The following GRK1 variants were observed in gnomAD, a reference collection of about 807,000 sequenced individuals.
GRK1 encodes the protein rhodopsin kinase GRK1.
GRK1 carries 28 observed loss-of-function variants against 41.7 expected under a neutral mutation model. That is an observed-to-expected ratio of 0.67 (90% CI 0.50 to 0.92). The LOEUF is 0.92. GRK1 is among the 40% of genes least tolerant of loss of function. GRK1 has a pLI of 0.00. For missense variants in GRK1, 703 were observed against 671.2 expected, an observed-to-expected ratio of 1.05 and a Z score of -0.52; for synonymous variants, 327 against 286.7, an observed-to-expected ratio of 1.14 and a Z score of -1.42.
chr13:113,653,345 G>C, the GRK1 span: 2 of 1,613,998 alleles, frequency 1.2e-6, no homozygotes, highest in Non-Finnish European at 1.7e-6. Flanking sequence ...TGGAGAGTCT[G>C]TGTGAGGTCT....
At chr13:113,651,057 C>T in the GRK1 span, among the ~76,000 whole-genome samples, 4 of 152,078 alleles carry the variant, frequency 2.6e-5, no homozygotes, top group East Asian at 1.9e-4. Context: ...CGGCCCCCAC[C>T]GAGAGTGGAG....
At chr13:113,733,977 CGCATGTGT>C (rs1453284393) in intron 6 of GRK1, among the ~76,000 whole-genome samples, 2 of 107,094 alleles carry the variant, frequency 1.9e-5, no homozygotes, top group African/African-American at 8.2e-5. Flanking sequence ...TGCGTGTGTG[CGCATGTGT>C]GTGCATACAT....
chr13:113,660,107 C>T, the GRK1 span, among the ~76,000 whole-genome samples: 1 of 152,174 alleles, frequency 6.6e-6, no homozygotes, highest in South Asian at 2.1e-4. Flanking sequence ...TGGTAGAGGG[C>T]AGTTTCCCCA....
chr13:113,653,688 C>T, the GRK1 span, among the ~76,000 whole-genome samples: 2 of 152,234 alleles, frequency 1.3e-5, no homozygotes, highest in African/African-American at 4.8e-5. Context: ...GTGGCTGGCT[C>T]TCTCCACCGG....
Position 113,671,484 on chromosome 13 carries a change from C to T in GRK1, c.828-15C>T, listed in dbSNP as rs1001895300. 2 of 778,708 alleles carry T rather than the reference C, an allele frequency of 2.6e-6. 1 individual carries two copies. The highest frequency in any genetic ancestry group is 4.8e-6 in the Non-Finnish European group (2 of 417,920). The allele number at this position is 778,708 out of a possible 1,614,324, so 48.2% of individuals were successfully genotyped here. On this transcript the variant is annotated splice_polypyrimidine_tract_variant and intron_variant, in intron 2 of 6. Transcript: ENST00000335678. This position sits in a 1 kb window ranked among gnomAD's most constrained non-coding sequence, Gnocchi z 4.1. Reference sequence around the variant, plus strand: ...TTAAACCCGGGGTGCATGGTTCCCACGTGTCTTCCCCCAGGTACCACATCT... The same window carrying T: ...TTAAACCCGGGGTGCATGGTTCCCATGTGTCTTCCCCCAGGTACCACATCT...
At chr13:113,651,239 A>G in the GRK1 span, among the ~76,000 whole-genome samples, 2 of 152,244 alleles carry the variant, frequency 1.3e-5, no homozygotes, top group Non-Finnish European at 2.9e-5. Context: ...AGCAGTTTTG[A>G]AAAACAACCT....
At chr13:113,730,537 C>T (rs560047915) in intron 4 of GRK1, among the ~76,000 whole-genome samples, 19 of 150,432 alleles carry the variant, frequency 1.3e-4, no homozygotes, top group Admixed American at 3.3e-4. Context: ...CCCCCCATCC[C>T]GTGACAGCCT....
At position 113,667,897 on chromosome 13, in the gene GRK1, T is replaced by C; in HGVS notation, c.511T>C (p.Phe171Leu). ...CCAGGAGTACCTGGGCAGCCTGTAC[T>C]TCCTGAGGTTCCTGCAGTGGAAGTG... ...PFQEYLGSLY[F>L]LRFLQWKWLE... The change falls in exon 1 of 7, where the codon TTC becomes CTC. Residue 171 changes from phenylalanine (F) to leucine (L), a missense_variant. Transcript: ENST00000335678. This position sits in a 1 kb window ranked among gnomAD's most constrained non-coding sequence, Gnocchi z 7.5. 1.2e-6 allele frequency: 2 copies of C among 1,602,364 alleles called. No individual in the cohort carries two copies. The highest frequency in any genetic ancestry group is 1.7e-6 in the Non-Finnish European group (2 of 1,173,772).
the GRK1 span, chr13:113,653,028 C>T: frequency 7.5e-5 from 121 of 1,613,756 alleles, no homozygotes; most frequent in Middle Eastern, 1.6e-4. Flanking sequence ...AAGTACTGCT[C>T]GGAGGTGCAG....
chr13:113,664,843 C>A (rs1162989012), upstream of GRK1, among the ~76,000 whole-genome samples: 2 of 152,234 alleles, frequency 1.3e-5, no homozygotes, highest in African/African-American at 4.8e-5. The surrounding 1 kb of genome is among the most constrained non-coding windows in gnomAD (Gnocchi z 5.4). Context: ...TCACAAAGCA[C>A]CACAGTTGCC....
chr13:113,658,048 T>G, the GRK1 span: 1 of 1,601,318 alleles, frequency 6.2e-7, no homozygotes, highest in Non-Finnish European at 8.5e-7. Context: ...CGGGACAGGG[T>G]GCGGCCCAGC....
In GRK1 at chr13:113,735,147, C is replaced by T. The variant is rs1246913950; in HGVS notation, c.1476C>T (p.Thr492=). ...TTCAGGACGTGGGTGCCTTTTCCACCGTCAAAGGTGTGGCCTTTGACAAAA... is the reference window on the plus strand; with the variant it reads ...TTCAGGACGTGGGTGCCTTTTCCACTGTCAAAGGTGTGGCCTTTGACAAAA... ...KDIQDVGAFS[T]VKGVAFDKTD... Residue 492 remains threonine (T), a synonymous_variant, in exon 7 of 7, where the codon ACC becomes ACT. Transcript: ENST00000335678. The T allele has an allele frequency of 7.2e-6, 11 of 1,537,036 alleles. No homozygotes were observed. Among genetic ancestry groups the T allele is most frequent in the South Asian group, 4.8e-5 (4 of 84,066 alleles).
At chr13:113,729,333 A>G (rs908169088) in intron 4 of GRK1, among the ~76,000 whole-genome samples, 4 of 152,228 alleles carry the variant, frequency 2.6e-5, no homozygotes, top group Non-Finnish European at 5.9e-5. Context: ...CGTGGAGTGG[A>G]AAGTGTGTTT....
the GRK1 span, among the ~76,000 whole-genome samples, chr13:113,657,198 G>A: frequency 6.6e-6 from 1 of 151,984 alleles, no homozygotes; most frequent in African/African-American, 2.4e-5. Flanking sequence ...TTCCCACCTC[G>A]GCTCTGGGAC....
chr13:113,733,682 T>C (rs543805791), intron 6 of GRK1, among the ~76,000 whole-genome samples: 6,217 of 135,814 alleles, frequency 0.046, 657 homozygotes, highest in African/African-American at 0.17. Flanking sequence ...CGTGTGTGCA[T>C]GTATGTGTGC....
the GRK1 span, chr13:113,653,267 TTCACACCTCACCCACCC>T: frequency 1.3e-5 from 19 of 1,519,738 alleles, no homozygotes; most frequent in Non-Finnish European, 1.4e-5. Flanking sequence ...CACCCGCCGC[TTCACACCTCACCCACCC>T]GCCGCTTCAC....
At chr13:113,669,044 C>T (rs116967598) in intron 1 of GRK1, among the ~76,000 whole-genome samples, 543 of 152,368 alleles carry the variant, frequency 3.6e-3, no homozygotes, top group Non-Finnish European at 6.4e-3. Context: ...AATTCCCCCA[C>T]CGTGCCATTC....
chr13:113,655,342 G>A, the GRK1 span, among the ~76,000 whole-genome samples: 1 of 152,226 alleles, frequency 6.6e-6, no homozygotes, highest in Non-Finnish European at 1.5e-5. Context: ...CTGAGGCAGA[G>A]AGGTGGGGTC....
rs1482871883 is a variant in GRK1, at chr13:113,732,950, C to T, written c.1261C>T (p.Gln421Ter). 3 of 1,536,926 alleles carry T rather than the reference C, an allele frequency of 2.0e-6. No homozygotes were observed. Among genetic ancestry groups the T allele is most frequent in the African/African-American group, 2.7e-5 (2 of 73,044 alleles). ...CGTGAAGTACCCTGATAAGTTCAGCCAGGCCAGCAAGGACTTCTGCGAGGC... is the reference window on the plus strand; with the variant it reads ...CGTGAAGTACCCTGATAAGTTCAGCTAGGCCAGCAAGGACTTCTGCGAGGC... ...EPVKYPDKFSQASKDFCEALL... is the reference protein window; with the variant it reads ...EPVKYPDKFS The change falls in exon 6 of 7, where the codon CAG becomes TAG. Residue 421 changes from glutamine to a stop codon, truncating the protein, a stop_gained. Coordinates refer to ENST00000335678, the MANE Select transcript of GRK1 (RefSeq NM_002929.3). LOFTEE classifies it high-confidence loss of function.
Sources: gnomAD v4.1 joint callset for allele counts (sites outside exome capture counted in the v4.1 genomes callset) on GRCh38, gnomAD v4.1.1 for gene constraint, Gnocchi (gnomAD v3.1) non-coding constraint, MANE v1.5 for transcripts, NCBI Gene and HGNC (gene_info 2026-07-23, HGNC 2026-07-21) for gene names.